EVA1C: variants seen among roughly 807,000 people sequenced by gnomAD.
EVA1C encodes protein eva-1 homolog C.
Under a neutral mutation model 45.4 loss-of-function variants are expected in EVA1C, and 25 were observed. The ratio of observed to expected loss-of-function variants is 0.55; its 90% CI spans 0.40 to 0.77. The LOEUF is 0.77. Ranked by LOEUF, EVA1C falls within the 30% of genes least tolerant of loss-of-function variation. EVA1C has a pLI of 0.00. For missense variants in EVA1C, 479 were observed against 554.8 expected (o/e 0.86, Z 1.37); for synonymous variants, 190 against 221.2 (o/e 0.86, Z 1.25).
At chr21:32,454,856 C>T (rs1239789655) in intron 2 of EVA1C, among the ~76,000 whole-genome samples, 1 of 152,106 alleles carries the variant, frequency 6.6e-6, no homozygotes, top group Non-Finnish European at 1.5e-5. Context: ...GCTTCCACTC[C>T]AAGCATGGTA....
chr21:32,453,263 G>C (rs949257535), intron 1 of EVA1C, 49 bp from the exon 2 acceptor site: 2 of 1,398,288 alleles, frequency 1.4e-6, no homozygotes, highest in Non-Finnish European at 1.0e-6. Flanking sequence ...AACCCATGGA[G>C]GAGTGGTGGG....
intron 3 of EVA1C, among the ~76,000 whole-genome samples, chr21:32,467,423 T>G (rs2036213323): frequency 6.6e-6 from 1 of 152,208 alleles, no homozygotes; most frequent in Non-Finnish European, 1.5e-5. Flanking sequence ...CCTAACTCCA[T>G]GCATCTGCTT....
chr21:32,513,817 C>T (rs1160869627), intron 7 of EVA1C, among the ~76,000 whole-genome samples: 2 of 151,844 alleles, frequency 1.3e-5, no homozygotes, highest in Non-Finnish European at 1.5e-5. Flanking sequence ...TTGGGATTAC[C>T]AGCGTGAGCC....
At chr21:32,494,998 T>A in intron 4 of EVA1C, 29 bp from the exon 5 acceptor site, 1 of 1,611,052 alleles carries the variant, frequency 6.2e-7, no homozygotes. Flanking sequence ...GGATGCAACC[T>A]GAAGTTCTGG....
intron 7 of EVA1C, among the ~76,000 whole-genome samples, chr21:32,504,558 C>T (rs749739841): frequency 8.5e-5 from 13 of 152,270 alleles, no homozygotes; most frequent in Non-Finnish European, 1.3e-4. Context: ...GGCCACACCG[C>T]GGGGACCTCT....
chr21:32,421,691 C>T (rs1046208074), intron 1 of EVA1C, among the ~76,000 whole-genome samples: 2 of 152,126 alleles, frequency 1.3e-5, no homozygotes, highest in Non-Finnish European at 2.9e-5. Flanking sequence ...TCACACAATT[C>T]AAAATTACAT....
intron 5 of EVA1C, among the ~76,000 whole-genome samples, chr21:32,499,593 A>G (rs1029546164): frequency 1.4e-4 from 22 of 152,230 alleles, no homozygotes; most frequent in African/African-American, 5.3e-4. Context: ...GCCCTCTGAG[A>G]GAGGAAACAA....
rs1281994727 is a variant in EVA1C at position 32,412,765 on chromosome 21, C to A, written c.-89C>A. 4 of 1,245,726 alleles carry A rather than the reference C, an allele frequency of 3.2e-6. No homozygotes were observed. In the South Asian group the frequency reaches 6.6e-5, roughly 21 times the overall value. The allele number at this position is 1,245,726 out of a possible 1,614,324, so 77.2% of individuals were successfully genotyped here. A position where few individuals can be genotyped will look rare whatever the true frequency, so the allele number is the denominator to read the frequency against. The stretch of plus-strand genomic sequence containing the variant: ...GGGGGGCCGCGGAGCCGCTGGCCAT[C>A]GATTCTCCCCGCCATGTGACGCCGT... On this transcript the variant is annotated 5_prime_UTR_variant, in exon 1 of 8. Transcript: ENST00000300255.
chr21:32,512,895 G>A (rs2038003166), intron 7 of EVA1C, among the ~76,000 whole-genome samples: 1 of 152,054 alleles, frequency 6.6e-6, no homozygotes, highest in East Asian at 1.9e-4. Context: ...GGGAGGAAAG[G>A]AGGGAAATTC....
At chr21:32,442,584 T>C (rs1355317940) in intron 1 of EVA1C, among the ~76,000 whole-genome samples, 1 of 151,678 alleles carries the variant, frequency 6.6e-6, no homozygotes, top group Non-Finnish European at 1.5e-5. Flanking sequence ...TAAAAACACC[T>C]TTTATTATTT....
At chr21:32,477,710 TACGCCCTCACCTCCCCC>T (rs2036617314) in intron 4 of EVA1C, among the ~76,000 whole-genome samples, 1 of 67,160 alleles carries the variant, frequency 1.5e-5, no homozygotes, top group Non-Finnish European at 3.0e-5. Context: ...ACCTCCCCCG[TACGCCCTCACCTCCCCC>T]GTACGCCCTC....
chr21:32,421,520 T>G (rs775287923), intron 1 of EVA1C, among the ~76,000 whole-genome samples: 1 of 152,140 alleles, frequency 6.6e-6, no homozygotes, highest in Non-Finnish European at 1.5e-5. Context: ...AGTCTGGGTT[T>G]TGAATTCATA....
intron 3 of EVA1C, among the ~76,000 whole-genome samples, 169 bp downstream of exon 3, chr21:32,457,889 A>C (rs575365837): frequency 1.3e-5 from 2 of 152,290 alleles, no homozygotes; most frequent in East Asian, 3.9e-4. Context: ...AGAAAGAAAG[A>C]CAGAGAAAGA....
At chr21:32,457,160 A>T (rs1311455679) in intron 2 of EVA1C, among the ~76,000 whole-genome samples, 4 of 152,138 alleles carry the variant, frequency 2.6e-5, no homozygotes, top group African/African-American at 9.7e-5. Flanking sequence ...GGGGCTATTT[A>T]AGGATGAAAG....
At chr21:32,455,973 A>G (rs1467836015) in intron 2 of EVA1C, among the ~76,000 whole-genome samples, 1 of 151,554 alleles carries the variant, frequency 6.6e-6, no homozygotes, top group Non-Finnish European at 1.5e-5. Context: ...GCTTACCACA[A>G]CCTCTGCCTC....
At chr21:32,449,980 C>T (rs907082472) in intron 1 of EVA1C, among the ~76,000 whole-genome samples, 6 of 152,124 alleles carry the variant, frequency 3.9e-5, no homozygotes, top group Admixed American at 6.6e-5. Flanking sequence ...GTACTGCTGA[C>T]GTGTCTTCTT....
At chr21:32,511,438 A>AAAAAAAG (rs772421375) in intron 7 of EVA1C, among the ~76,000 whole-genome samples, 30 of 148,774 alleles carry the variant, frequency 2.0e-4, no homozygotes, top group Non-Finnish European at 3.7e-4. Context: ...AAAAAAAAAA[A>AAAAAAAG]AAAGAAAGAA....
At position 32,474,818 on chromosome 21, in the gene EVA1C, G is replaced by A. The variant is rs1337531245; in HGVS notation, c.634+6970G>A. 6.6e-6 allele frequency among the ~76,000 whole-genome samples: 1 copy of A among 152,218 alleles called. No homozygotes were observed. The highest frequency in any genetic ancestry group is 1.5e-5 in the Non-Finnish European group (1 of 68,040). ...GTCACAGCTTCCAACCTCATGGGAT[G>A]CTGGAAATCTGGATTTTCTTTTTTT... On this transcript the variant is annotated intron_variant, in intron 4 of 7. Transcript: ENST00000300255. The surrounding 1 kb of genome is among the most constrained non-coding windows in gnomAD (Gnocchi z 4.4).
intron 4 of EVA1C, among the ~76,000 whole-genome samples, chr21:32,472,128 T>C (rs989759460): frequency 1.3e-5 from 2 of 152,078 alleles, no homozygotes; most frequent in Non-Finnish European, 2.9e-5. Flanking sequence ...CTAGGAATGG[T>C]AGATGAAAGT....
Sources: gnomAD v4.1 joint callset for allele counts (sites outside exome capture counted in the v4.1 genomes callset) on GRCh38, gnomAD v4.1.1 for gene constraint, Gnocchi (gnomAD v3.1) non-coding constraint, MANE v1.5 for transcripts, NCBI Gene and HGNC (gene_info 2026-07-23, HGNC 2026-07-21) for gene names.